Variants in BTN1A1 observed in about 807,000 individuals in gnomAD.
BTN1A1 encodes bK14H9.2 (butyrophilin, subfamily 1, member A1).
BTN1A1 carries 26 observed loss-of-function variants against 33.1 expected under a neutral mutation model. The observed-to-expected ratio is 0.79, with a 90% confidence interval of 0.58 to 1.09. The LOEUF is 1.09. Among genes scored for constraint, BTN1A1 ranks in the 50% least tolerant of loss-of-function variants. BTN1A1 has a pLI of 0.00. For synonymous variants in BTN1A1, 235 were observed against 256.2 expected, an observed-to-expected ratio of 0.92 and a Z score of 0.79; for missense variants, 558 against 655.7, an observed-to-expected ratio of 0.85 and a Z score of 1.63.
rs1473896064 is a variant in BTN1A1 at position 26,509,756 on chromosome 6, C to G, written c.*582C>G. ...GTCCTATAGGACAGAGGAGACTGGC[C>G]CCACTTCTATGGGTCTGAGCTGTGG... On this transcript the variant is annotated 3_prime_UTR_variant, in exon 8 of 8. Transcript: ENST00000684113. The G allele has an allele frequency of 2.0e-5, 3 of 153,126 alleles. No individual in the cohort carries two copies. In the South Asian group the frequency reaches 6.2e-4, roughly 31 times the overall value. 9.5% of individuals were successfully genotyped at this position (153,126 alleles called of 1,614,324 possible).
chr6:26,501,222 T>A lies in BTN1A1; in HGVS notation c.-57-8T>A, dbSNP rs997093828. The A allele has an allele frequency of 2.2e-5, 29 of 1,347,142 alleles. 1 individual carries two copies. The highest frequency in any genetic ancestry group is 3.1e-5 in the African/African-American group (2 of 64,178). The allele number at this position is 1,347,142 out of a possible 1,614,324, so 83.4% of individuals were successfully genotyped here. On this transcript the variant is annotated splice_region_variant and splice_polypyrimidine_tract_variant and intron_variant, in intron 1 of 7. Transcript: ENST00000684113. This position sits in a 1 kb window ranked among gnomAD's most constrained non-coding sequence, Gnocchi z 5.2. ...CCGGTAGTTGTCTCCTGTCCATTCA[T>A]CTCCTAGGCTGAAGCTCCTGAGGGG...
rs1200719031 is a variant in BTN1A1 at position 26,509,889 on chromosome 6, G to A, written c.*715G>A. The A allele has an allele frequency of 6.6e-6, 1 of 152,218 alleles. No homozygotes were observed. Among genetic ancestry groups the A allele is most frequent in the African/African-American group, 2.4e-5 (1 of 41,440 alleles). The allele number at this position is 152,218 out of a possible 1,614,324, so 9.4% of individuals were successfully genotyped here. On this transcript the variant is annotated 3_prime_UTR_variant, in exon 8 of 8. Transcript: ENST00000684113. Reference sequence around the variant, plus strand: ...AAACTCAAAAGTTGTTTGCACAGCTGTTCTTTGTACCCTGTTCCTTTCTCT... The same window carrying A: ...AAACTCAAAAGTTGTTTGCACAGCTATTCTTTGTACCCTGTTCCTTTCTCT...
intron 4 of BTN1A1, among the ~76,000 whole-genome samples, chr6:26,506,123 C>CAAAA (rs34524548): frequency 1.5e-5 from 2 of 130,090 alleles, no homozygotes; most frequent in African/African-American, 2.9e-5. Context: ...GACTGCATCT[C>CAAAA]AAAAAAAAAA....
chr6:26,507,874 G>A (rs375541965), intron 5 of BTN1A1, 76 bp from the exon 6 acceptor site: 22 of 1,455,638 alleles, frequency 1.5e-5, no homozygotes, highest in Non-Finnish European at 1.8e-5. Context: ...TCCTTTGTGT[G>A]TTTCCCACAC....
In BTN1A1 at chr6:26,508,010, C is replaced by G. The variant is rs182658057; in HGVS notation, c.880+40C>G. ...CTTGTTATTTCACCCACAGAGTTTT[C>G]TCTCTCTTATTATATAACCTGTCAA... On this transcript the variant is annotated intron_variant, in intron 6 of 7. Transcript: ENST00000684113. 5.0e-6 allele frequency: 8 copies of G among 1,613,554 alleles called. No individual in the cohort carries two copies. The Admixed American group carries it at 1.3e-4, about 27-fold the overall frequency.
chr6:26,507,464 C>T (rs183562514), intron 5 of BTN1A1, among the ~76,000 whole-genome samples: 3 of 152,152 alleles, frequency 2.0e-5, no homozygotes, highest in East Asian at 1.9e-4. Flanking sequence ...GGCTCATGCC[C>T]GTAGTAATCT....
chr6:26,509,344 C>A lies in BTN1A1; in HGVS notation c.*170C>A. The A allele has an allele frequency of 1.5e-6, 1 of 654,342 alleles. No homozygotes were observed. The highest frequency in any genetic ancestry group is 2.5e-6 in the Non-Finnish European group (1 of 392,714). 40.5% of individuals were successfully genotyped at this position (654,342 alleles called of 1,614,324 possible). The stretch of plus-strand genomic sequence containing the variant: ...TAGAGAGGGTGGGGATTGCACCTTC[C>A]AAATCTGTTTCTGTACCAATATTTG... On this transcript the variant is annotated 3_prime_UTR_variant, in exon 8 of 8. Transcript: ENST00000684113.
rs985660878 is a variant in BTN1A1 at position 26,509,691 on chromosome 6, T to C, written c.*517T>C. 3.2e-5 allele frequency: 5 copies of C among 156,424 alleles called. No homozygotes were observed. Among genetic ancestry groups the C allele is most frequent in the African/African-American group, 4.8e-5 (2 of 41,434 alleles). 9.7% of individuals were successfully genotyped at this position (156,424 alleles called of 1,614,324 possible). ...ACATGATGAACACCTGGCTCATCCA[T>C]AGAGTTTTCACAGCCTATATCGCAA... On this transcript the variant is annotated 3_prime_UTR_variant, in exon 8 of 8. Coordinates refer to ENST00000684113, the MANE Select transcript of BTN1A1 (RefSeq NM_001732.3).
At chr6:26,504,858 G>A (rs1165379294) in intron 3 of BTN1A1, 67 bp from the exon 4 acceptor site, 1 of 1,489,322 alleles carries the variant, frequency 6.7e-7, no homozygotes, top group African/African-American at 1.4e-5. Flanking sequence ...AAACTATGTA[G>A]CTCTCTGGTT....
At position 26,508,895 on chromosome 6, in the gene BTN1A1, C is replaced by T. The variant is rs746874931; in HGVS notation, c.1302C>T (p.Ser434=). The change falls in exon 8 of 8, where the codon TCC becomes TCT. Residue 434 remains serine, a synonymous_variant. Transcript: ENST00000684113. ...TAGACTATGAATCAGGAGACATCTCCTTCTACAACATGAATGATGGATCTG... is the reference window on the plus strand; with the variant it reads ...TAGACTATGAATCAGGAGACATCTCTTTCTACAACATGAATGATGGATCTG... ...IFLDYESGDI[S]FYNMNDGSDI... The T allele has an allele frequency of 3.1e-6, 5 of 1,614,204 alleles. No individual in the cohort carries two copies. The highest frequency in any genetic ancestry group is 4.2e-6 in the Non-Finnish European group (5 of 1,180,026).
chr6:26,500,644 C>T (rs1276326628), intron 1 of BTN1A1, among the ~76,000 whole-genome samples: 11 of 152,238 alleles, frequency 7.2e-5, no homozygotes, highest in African/African-American at 2.4e-4. Flanking sequence ...TGGCCAGGCA[C>T]GGTGGCTCAC....
Position 26,501,570 on chromosome 6 carries a change from TC to T in BTN1A1, c.80-17del, listed in dbSNP as rs1284160200. On this transcript the variant is annotated intron_variant, in intron 2 of 7. Coordinates refer to ENST00000684113, the MANE Select transcript of BTN1A1 (RefSeq NM_001732.3). This position sits in a 1 kb window ranked among gnomAD's most constrained non-coding sequence, Gnocchi z 5.2. ...GTTCCCATCTCCACATCCCGTCTGATCCCGCTCGTTTTTCGGCAGCTCCCTT... is the reference window on the plus strand; with the variant it reads ...GTTCCCATCTCCACATCCCGTCTGATCCGCTCGTTTTTCGGCAGCTCCCTT... 6.2e-7 allele frequency: 1 copy of T among 1,611,642 alleles called. No individual in the cohort carries two copies. Among genetic ancestry groups the T allele is most frequent in the Admixed American group, 1.7e-5 (1 of 59,958 alleles).
Position 26,508,149 on chromosome 6 carries a change from A to T in BTN1A1, c.907+62A>T, listed in dbSNP as rs1028046604. 7.9e-6 allele frequency: 12 copies of T among 1,518,864 alleles called. No homozygotes were observed. The Admixed American group carries it at 1.5e-4, about 19-fold the overall frequency. The allele number at this position is 1,518,864 out of a possible 1,614,324, so 94.1% of individuals were successfully genotyped here. ...CTATCCCCTAGGAATTCAAAGTGCT[A>T]TGATACTTGGAAATGAAAACACTAA... is the stretch of plus-strand genomic sequence containing the variant. On this transcript the variant is annotated intron_variant, in intron 7 of 7. Transcript: ENST00000684113.
In BTN1A1 at chr6:26,501,630, C is replaced by A; in HGVS notation, c.120C>A (p.Ala40=). The change falls in exon 3 of 8, where the codon GCC becomes GCA. Residue 40 remains alanine, a synonymous_variant. Transcript: ENST00000684113. This position sits in a 1 kb window ranked among gnomAD's most constrained non-coding sequence, Gnocchi z 5.2. ...TTGGACCCCCGGAGCCCATCCTGGCCGTTGTGGGTGAGGACGCCGAGCTGC... is the reference window on the plus strand; with the variant it reads ...TTGGACCCCCGGAGCCCATCCTGGCAGTTGTGGGTGAGGACGCCGAGCTGC... ...DVIGPPEPIL[A]VVGEDAELPC... The A allele has an allele frequency of 6.2e-7, 1 of 1,613,924 alleles. No homozygotes were observed.
In BTN1A1 at chr6:26,501,545, G is replaced by A. The variant is rs1244486333; in HGVS notation, c.80-45G>A. 3.1e-6 allele frequency: 5 copies of A among 1,605,470 alleles called. No individual in the cohort carries two copies. Among genetic ancestry groups the A allele is most frequent in the African/African-American group, 2.7e-5 (2 of 74,736 alleles). On this transcript the variant is annotated intron_variant, in intron 2 of 7. Coordinates refer to ENST00000684113, the MANE Select transcript of BTN1A1 (RefSeq NM_001732.3). This position sits in a 1 kb window ranked among gnomAD's most constrained non-coding sequence, Gnocchi z 5.2. ...GGAATCTGGTCGGTGTCTGTCCGTA[G>A]TTCCCATCTCCACATCCCGTCTGAT...
At chr6:26,505,257 C>T in intron 4 of BTN1A1, 51 bp downstream of exon 4, 3 of 1,555,422 alleles carry the variant, frequency 1.9e-6, no homozygotes, top group Non-Finnish European at 2.6e-6. Context: ...GCTTCAGAGC[C>T]ACACCACCTG....
Position 26,509,035 on chromosome 6 carries a change from G to A in BTN1A1, c.1442G>A (p.Arg481Lys). The change falls in exon 8 of 8, where the codon AGG (arginine) becomes AAG (lysine). Residue 481 changes from arginine to lysine, a missense_variant. Coordinates refer to ENST00000684113, the MANE Select transcript of BTN1A1 (RefSeq NM_001732.3). ...TGCCCAATTGCTGATGGGCCTGAGA[G>A]GGTCACAGTCATTGCTAATGCCCAG... ...TICPIADGPERVTVIANAQDL... is the reference protein window; with the variant it reads ...TICPIADGPEKVTVIANAQDL... 6.2e-7 allele frequency: 1 copy of A among 1,614,212 alleles called. No individual in the cohort carries two copies. Among genetic ancestry groups the A allele is most frequent in the Non-Finnish European group, 8.5e-7 (1 of 1,180,046 alleles).
At chr6:26,506,565 T>C (rs1041709149) in intron 4 of BTN1A1, 118 bp from the exon 5 acceptor site, 8 of 1,065,000 alleles carry the variant, frequency 7.5e-6, no homozygotes, top group Non-Finnish European at 1.1e-5. Context: ...TTTTTTGCTA[T>C]ATGAGGGATG....
intron 3 of BTN1A1, 120 bp from the exon 4 acceptor site, chr6:26,504,804 TC>T: frequency 2.0e-6 from 2 of 981,678 alleles, no homozygotes; most frequent in Non-Finnish European, 3.0e-6. Flanking sequence ...GATGAGTTCT[TC>T]CCCCTACTAG....
Sources: gnomAD v4.1 joint callset for allele counts (sites outside exome capture counted in the v4.1 genomes callset) on GRCh38, gnomAD v4.1.1 for gene constraint, Gnocchi (gnomAD v3.1) non-coding constraint, MANE v1.5 for transcripts, NCBI Gene and HGNC (gene_info 2026-07-23, HGNC 2026-07-21) for gene names.